ASIC2: variants seen among roughly 807,000 people sequenced by gnomAD.
ASIC2 encodes acid-sensing ion channel 2.
ASIC2 carries 25 observed loss-of-function variants against 57.3 expected under a neutral mutation model. The observed-to-expected ratio is 0.44, with a 90% confidence interval of 0.32 to 0.61. The LOEUF (loss-of-function observed/expected upper bound fraction) is 0.61, where lower values mean the gene tolerates loss of function less well. Ranked by LOEUF, ASIC2 falls within the 20% of genes least tolerant of loss-of-function variation. The pLI is 0.06. For missense variants in ASIC2, 641 were observed against 738.1 expected, an observed-to-expected ratio of 0.87 and a Z score of 1.52; for synonymous variants, 319 against 307.5, an observed-to-expected ratio of 1.04 and a Z score of -0.39.
intron 1 of ASIC2, among the ~76,000 whole-genome samples, chr17:34,125,056 TCTTCC>T (rs1911738166): frequency 6.6e-6 from 1 of 151,440 alleles, no homozygotes; most frequent in African/African-American, 2.4e-5. Flanking sequence ...TGGAAAAACG[TCTTCC>T]CTTCCCTTCC....
Position 33,567,846 on chromosome 17 carries a change from G to A in ASIC2, c.556-455779C>T, listed in dbSNP as rs995727556. Among the ~76,000 whole-genome samples, 4 of 151,784 alleles carry A rather than the reference G, an allele frequency of 2.6e-5. No individual in the cohort carries two copies. The South Asian group carries it at 8.4e-4, about 32-fold the overall frequency. On this transcript the variant is annotated intron_variant, in intron 1 of 9. Transcript: ENST00000359872. ...ACAAGTCCCAGACTCCTTGAGGGGA[G>A]ATTCCATGCATTTTTTTTTTGGTCT... is the stretch of plus-strand genomic sequence containing the variant.
rs1343215603 is a variant in ASIC2 at position 33,873,235 on chromosome 17, A to T, written c.555+282743T>A. On this transcript the variant is annotated intron_variant, in intron 1 of 9. Transcript: ENST00000359872. ...TTCTCCCAAGACGACAAAGATAAGG[A>T]TTATCCCCCTTCCCAGTAACAGAAC... Among the ~76,000 whole-genome samples, 3 of 152,202 alleles carry T rather than the reference A, an allele frequency of 2.0e-5. No homozygotes were observed. The East Asian group carries it at 5.8e-4, about 29-fold the overall frequency.
chr17:33,874,732 C>T (rs886533502), intron 1 of ASIC2, among the ~76,000 whole-genome samples: 1 of 152,266 alleles, frequency 6.6e-6, no homozygotes, highest in African/African-American at 2.4e-5. Context: ...CCAATCTCTG[C>T]TGGCCAGTGC....
At chr17:33,716,171 T>C (rs1439304612) in intron 1 of ASIC2, among the ~76,000 whole-genome samples, 1 of 152,238 alleles carries the variant, frequency 6.6e-6, no homozygotes, top group African/African-American at 2.4e-5. Flanking sequence ...GCCTTCTAAC[T>C]GGTTCATCCT....
intron 1 of ASIC2, among the ~76,000 whole-genome samples, chr17:33,454,304 G>A (rs1188126522): frequency 6.6e-6 from 1 of 152,144 alleles, no homozygotes; most frequent in Non-Finnish European, 1.5e-5. Flanking sequence ...TACAGTGGAC[G>A]GTGGTCTATA....
chr17:33,831,733 G>A (rs1411809251), intron 1 of ASIC2, among the ~76,000 whole-genome samples: 1 of 152,144 alleles, frequency 6.6e-6, no homozygotes, highest in African/African-American at 2.4e-5. Context: ...CAGCAGGCCC[G>A]TCTCTCCCAG....
chr17:34,034,866 C>T (rs889631734), intron 1 of ASIC2, among the ~76,000 whole-genome samples: 5 of 152,182 alleles, frequency 3.3e-5, no homozygotes, highest in East Asian at 1.9e-4. Context: ...TAAAAGAGGA[C>T]ACAAACAAAT....
chr17:34,034,683 T>G (rs914174223), intron 1 of ASIC2, among the ~76,000 whole-genome samples: 3 of 152,156 alleles, frequency 2.0e-5, no homozygotes, highest in African/African-American at 4.8e-5. Flanking sequence ...ACAAAATCAA[T>G]GTACAAAAGT....
intron 1 of ASIC2, among the ~76,000 whole-genome samples, chr17:34,105,079 T>G (rs1910995482): frequency 6.6e-6 from 1 of 152,048 alleles, no homozygotes. Context: ...AAGAGTTTAT[T>G]TGTTGAAATG....
chr17:33,325,293 G>A (rs1196317009), intron 1 of ASIC2, among the ~76,000 whole-genome samples: 1 of 152,188 alleles, frequency 6.6e-6, no homozygotes, highest in East Asian at 1.9e-4. Flanking sequence ...ACAACACAAG[G>A]TGACCTAAAC....
chr17:33,994,899 C>T (rs1250310577), intron 1 of ASIC2, among the ~76,000 whole-genome samples: 2 of 152,128 alleles, frequency 1.3e-5, no homozygotes, highest in Non-Finnish European at 2.9e-5. Flanking sequence ...AAAAACGGTG[C>T]TTCTTGAGAT....
chr17:33,088,221 C>T (rs1280288118), intron 3 of ASIC2, among the ~76,000 whole-genome samples: 3 of 152,198 alleles, frequency 2.0e-5, no homozygotes, highest in African/African-American at 7.2e-5. Context: ...CGTGTCTCTC[C>T]GCAGTCCTGC....
chr17:33,497,366 C>T (rs1913968924), intron 1 of ASIC2, among the ~76,000 whole-genome samples: 1 of 152,204 alleles, frequency 6.6e-6, no homozygotes, highest in Admixed American at 6.5e-5. Flanking sequence ...TATCTTCTTC[C>T]ATGTAGGGTT....
intron 1 of ASIC2, among the ~76,000 whole-genome samples, chr17:34,105,552 T>C (rs1911017128): frequency 6.6e-6 from 1 of 151,744 alleles, no homozygotes; most frequent in African/African-American, 2.4e-5. Context: ...ATTTATACCT[T>C]TCTTCCTAAT....
intron 1 of ASIC2, among the ~76,000 whole-genome samples, chr17:33,954,586 G>A (rs1262696956): frequency 6.6e-6 from 1 of 152,178 alleles, no homozygotes. Context: ...CACTGGGGCT[G>A]TAAAATGTGC....
chr17:33,993,043 A>G (rs1906049515), intron 1 of ASIC2, among the ~76,000 whole-genome samples: 1 of 152,172 alleles, frequency 6.6e-6, no homozygotes, highest in Non-Finnish European at 1.5e-5. Flanking sequence ...ATTGGATATC[A>G]GTATTTTCTA....
intron 1 of ASIC2, among the ~76,000 whole-genome samples, chr17:33,280,226 T>C (rs1358767654): frequency 6.6e-6 from 1 of 152,108 alleles, no homozygotes; most frequent in African/African-American, 2.4e-5. Flanking sequence ...GCCGGAATTA[T>C]AAAAACAAAA....
chr17:33,747,350 A>G (rs895008711), intron 1 of ASIC2, among the ~76,000 whole-genome samples: 3 of 151,568 alleles, frequency 2.0e-5, no homozygotes, highest in African/African-American at 7.3e-5. Context: ...CAGTCCCCCA[A>G]GTAGCTGGGA....
chr17:33,411,965 T>A (rs576874711), intron 1 of ASIC2, among the ~76,000 whole-genome samples: 4 of 152,250 alleles, frequency 2.6e-5, no homozygotes, highest in African/African-American at 9.6e-5. Context: ...TTGGTTAGGG[T>A]TTGAACAAAT....
Sources: gnomAD v4.1 joint callset for allele counts (sites outside exome capture counted in the v4.1 genomes callset) on GRCh38, gnomAD v4.1.1 for gene constraint, MANE v1.5 for transcripts, NCBI Gene and HGNC (gene_info 2026-07-23, HGNC 2026-07-21) for gene names.